The following CDKAL1 variants were observed in gnomAD, a reference collection of about 807,000 sequenced individuals.
CDKAL1 encodes the protein CDKAL1 threonylcarbamoyladenosine tRNA methylthiotransferase.
A neutral mutation model predicts 68.2 loss-of-function variants in CDKAL1; 32 were observed. That is an observed-to-expected ratio of 0.47 (90% CI 0.35 to 0.63). The LOEUF (loss-of-function observed/expected upper bound fraction) is 0.63. Among genes scored for constraint, CDKAL1 ranks in the 30% least tolerant of loss-of-function variants. The probability of loss-of-function intolerance (pLI) is 0.00; values close to 1 mark genes in which losing one functional copy is unlikely to be tolerated. For missense variants in CDKAL1, 606 were observed against 696.7 expected (o/e 0.87, Z 1.47); for synonymous variants, 234 against 244.3 (o/e 0.96, Z 0.39).
At chr6:20,677,427 AT>A (rs200060265) in intron 5 of CDKAL1, among the ~76,000 whole-genome samples, 2 of 146,420 alleles carry the variant, frequency 1.4e-5, no homozygotes, top group South Asian at 2.2e-4. Flanking sequence ...CGAAGGCTTT[AT>A]TTTTTTTTAG....
At chr6:21,151,925 A>G (rs35088240) in intron 13 of CDKAL1, among the ~76,000 whole-genome samples, 1,876 of 152,166 alleles carry the variant, frequency 0.012, 24 homozygotes, top group Non-Finnish European at 0.02. Context: ...CAACACACAC[A>G]ATGATTATTT....
At position 20,911,630 on chromosome 6, in the gene CDKAL1, A is replaced by G. The variant is rs76887790; in HGVS notation, c.743-43789A>G. Among the ~76,000 whole-genome samples, 504 of 152,326 alleles carry G rather than the reference A, an allele frequency of 3.3e-3. 12 individuals are homozygous for G. The East Asian group carries it at 0.06, about 18-fold the overall frequency. On this transcript the variant is annotated intron_variant, in intron 9 of 15. Transcript: ENST00000274695. ...TAGTTTTGCCCTTAGACCAGAATAA[A>G]CATGGTTAAATTTAATTCCTGAGTT...
intron 9 of CDKAL1, among the ~76,000 whole-genome samples, chr6:20,892,059 C>T (rs1761435202): frequency 1.3e-5 from 2 of 152,084 alleles, no homozygotes; most frequent in Non-Finnish European, 2.9e-5. Flanking sequence ...AGTGTTTGCA[C>T]CGTCTCCCCT....
At chr6:20,982,106 GC>G (rs1766186965) in intron 10 of CDKAL1, among the ~76,000 whole-genome samples, 2 of 150,788 alleles carry the variant, frequency 1.3e-5, no homozygotes, top group South Asian at 4.2e-4. Context: ...TGTCTCTCTT[GC>G]CTAGGCTGGA....
chr6:20,831,191 A>G (rs1236688556), intron 8 of CDKAL1, among the ~76,000 whole-genome samples: 1 of 152,190 alleles, frequency 6.6e-6, no homozygotes. Flanking sequence ...AAGTGTGTTT[A>G]TTCCAGTAGC....
chr6:20,710,032 T>G (rs1771777699), intron 5 of CDKAL1, among the ~76,000 whole-genome samples: 1 of 152,170 alleles, frequency 6.6e-6, no homozygotes, highest in African/African-American at 2.4e-5. Flanking sequence ...AAATCCCATA[T>G]GAATTAACCT....
intron 13 of CDKAL1, among the ~76,000 whole-genome samples, chr6:21,150,687 G>A (rs1370938463): frequency 1.3e-5 from 2 of 152,180 alleles, no homozygotes; most frequent in Non-Finnish European, 2.9e-5. Context: ...TAATTCCCAT[G>A]AAGTCCCATG....
chr6:20,720,934 C>T (rs1772321914), intron 5 of CDKAL1, among the ~76,000 whole-genome samples: 1 of 152,182 alleles, frequency 6.6e-6, no homozygotes, highest in Admixed American at 6.5e-5. Flanking sequence ...CTGCAAATGA[C>T]ATTATTTCTT....
chr6:20,770,503 A>T (rs1006228993), intron 7 of CDKAL1, among the ~76,000 whole-genome samples: 2 of 152,210 alleles, frequency 1.3e-5, no homozygotes, highest in Non-Finnish European at 2.9e-5. Flanking sequence ...TGAGTTTTGC[A>T]GCTGTAACCA....
chr6:20,597,024 C>G (rs1765858422), intron 4 of CDKAL1, among the ~76,000 whole-genome samples: 2 of 152,236 alleles, frequency 1.3e-5, no homozygotes, highest in Non-Finnish European at 2.9e-5. Context: ...GTTGGAAACG[C>G]AGAAATCACC....
At chr6:21,107,745 C>T (rs1773921880) in intron 12 of CDKAL1, among the ~76,000 whole-genome samples, 1 of 152,166 alleles carries the variant, frequency 6.6e-6, no homozygotes, top group Non-Finnish European at 1.5e-5. Flanking sequence ...AGAGCCTTCT[C>T]TTCATAACTA....
chr6:20,536,112 T>G, intron 2 of CDKAL1, among the ~76,000 whole-genome samples: 1 of 151,768 alleles, frequency 6.6e-6, no homozygotes, highest in African/African-American at 2.4e-5. Context: ...CTTTTTTTTT[T>G]TTTTTTGTAG....
intron 4 of CDKAL1, among the ~76,000 whole-genome samples, chr6:20,615,932 T>C (rs1295718990): frequency 6.7e-6 from 1 of 149,186 alleles, no homozygotes; most frequent in Non-Finnish European, 1.5e-5. Flanking sequence ...TTTAAGTCTT[T>C]AATCCATCTT....
chr6:20,553,066 T>C (rs1763895745), intron 4 of CDKAL1, among the ~76,000 whole-genome samples: 1 of 152,220 alleles, frequency 6.6e-6, no homozygotes, highest in Non-Finnish European at 1.5e-5. Context: ...ATAGGGAGTT[T>C]ATTGAAAACA....
intron 9 of CDKAL1, among the ~76,000 whole-genome samples, chr6:20,941,934 C>T (rs773434330): frequency 3.3e-4 from 50 of 152,122 alleles, no homozygotes; most frequent in Non-Finnish European, 5.7e-4. Context: ...TTCTGCTTTT[C>T]CCCTTCGGCA....
rs1763607538 is a variant in CDKAL1, at chr6:20,546,463, T to C, written c.113T>C (p.Val38Ala). ...GTAAGAAAGGATGTTGTCCCGAAGGTACGAAGGCGAAATACCCAAAAATAT... is the reference window on the plus strand; with the variant it reads ...GTAAGAAAGGATGTTGTCCCGAAGGCACGAAGGCGAAATACCCAAAAATAT... ...HFVRKDVVPK[V>A]RRRNTQKYLQ... The change falls in exon 3 of 16, where the codon GTA becomes GCA. Residue 38 changes from valine (V) to alanine (A), a missense_variant. By Grantham distance (64) the Val-to-Ala change is moderately conservative. Transcript: ENST00000274695. The C allele has an allele frequency of 4.3e-6, 7 of 1,614,108 alleles. No individual in the cohort carries two copies. Among genetic ancestry groups the C allele is most frequent in the Non-Finnish European group, 5.1e-6 (6 of 1,179,998 alleles).
intron 10 of CDKAL1, among the ~76,000 whole-genome samples, chr6:20,966,171 C>T (rs1358519968): frequency 6.6e-6 from 1 of 152,048 alleles, no homozygotes; most frequent in East Asian, 1.9e-4. Context: ...AAGCAAAGTC[C>T]GTTCCCTTCA....
chr6:20,599,159 T>C (rs1338867425), intron 4 of CDKAL1, among the ~76,000 whole-genome samples: 1 of 152,072 alleles, frequency 6.6e-6, no homozygotes, highest in African/African-American at 2.4e-5. Context: ...CATTAGTTTC[T>C]TGCATATCCT....
intron 7 of CDKAL1, among the ~76,000 whole-genome samples, chr6:20,774,416 T>G (rs1775083535): frequency 1.3e-5 from 2 of 152,180 alleles, no homozygotes; most frequent in Admixed American, 6.5e-5. Context: ...AATATATGTC[T>G]TTATGTTCGG....
Sources: allele counts gnomAD v4.1 joint callset (sites outside exome capture counted in the v4.1 genomes callset), GRCh38; gene constraint gnomAD v4.1.1; transcripts MANE v1.5; gene names NCBI Gene and HGNC (gene_info 2026-07-23, HGNC 2026-07-21).